Variants in CCDC137 observed in about 807,000 individuals in gnomAD.
The protein encoded by CCDC137 is coiled-coil domain-containing protein 137.
A neutral mutation model predicts 30.4 loss-of-function variants in CCDC137; 24 were observed. The observed-to-expected ratio is 0.79, with a 90% CI of 0.57 to 1.11. The LOEUF (loss-of-function observed/expected upper bound fraction) is 1.11. Among genes scored for constraint, CCDC137 ranks in the 50% least tolerant of loss-of-function variants. CCDC137 has a pLI of 0.00. For missense variants in CCDC137, 417 were observed against 380.4 expected (o/e 1.10, Z -0.80); for synonymous variants, 182 against 155.7 (o/e 1.17, Z -1.26).
chr17:81,672,773 G>A lies in CCDC137; in HGVS notation c.*69G>A, dbSNP rs2036737833. 5.7e-6 allele frequency: 8 copies of A among 1,409,204 alleles called. No homozygotes were observed. The South Asian group carries it at 1.1e-4, about 20-fold the overall frequency. 87.3% of individuals were successfully genotyped at this position (1,409,204 alleles called of 1,614,324 possible). A position where few individuals can be genotyped will look rare whatever the true frequency, so the allele number is the denominator to read the frequency against. Reference sequence around the variant, plus strand: ...ACCAGGAGCTGCTACACCTGGGTAGGAGAGAGGCAGGCCATGCCAGCAGTG... The same window carrying A: ...ACCAGGAGCTGCTACACCTGGGTAGAAGAGAGGCAGGCCATGCCAGCAGTG... On this transcript the variant is annotated 3_prime_UTR_variant, in exon 6 of 6. Coordinates refer to ENST00000329214, the MANE Select transcript of CCDC137 (RefSeq NM_199287.3).
At position 81,666,823 on chromosome 17, in the gene CCDC137, TC is replaced by T. The variant is rs1324883343; in HGVS notation, c.61del (p.Arg21GlyfsTer31). ...CCAGGGTGCAGGCGGGTCCTGGGAG[TC>T]CCCGGCGAGCGCGGGGGCGGCAGCA... ...VSRVQAGPGS[P>X]RRARGRQQVQ... On this transcript the variant is annotated frameshift_variant, in exon 1 of 6. Transcript: ENST00000329214. LOFTEE classifies it high-confidence loss of function. 5.9e-6 allele frequency: 8 copies of T among 1,357,756 alleles called. No homozygotes were observed. The highest frequency in any genetic ancestry group is 4.8e-6 in the Non-Finnish European group (5 of 1,051,480). The allele number at this position is 1,357,756 out of a possible 1,614,324, so 84.1% of individuals were successfully genotyped here.
chr17:81,673,229 G>C lies in CCDC137; in HGVS notation c.*525G>C, dbSNP rs910724021. On this transcript the variant is annotated 3_prime_UTR_variant, in exon 6 of 6. Transcript: ENST00000329214. ...CCAAGGTTTGGTTGGGGTGAAACAT[G>C]ATGACAACACATACACTTAAGAAGG... is the stretch of plus-strand genomic sequence containing the variant. 1 of 157,436 alleles carries C rather than the reference G, an allele frequency of 6.4e-6. No homozygotes were observed. The highest frequency in any genetic ancestry group is 2.4e-5 in the African/African-American group (1 of 41,510). The allele number at this position is 157,436 out of a possible 1,614,324, so 9.8% of individuals were successfully genotyped here. A position where few individuals can be genotyped will look rare whatever the true frequency, so the allele number is the denominator to read the frequency against.
At chr17:81,671,538 G>C (rs34034499) in intron 3 of CCDC137, 79,639 of 568,788 alleles carry the variant, frequency 0.14, 6,327 homozygotes, top group Middle Eastern at 0.18. Context: ...TGGGGGACCT[G>C]TGAGGGGCCT....
intron 2 of CCDC137, 141 bp downstream of exon 2, chr17:81,668,003 T>C: frequency 1.9e-6 from 2 of 1,051,964 alleles, no homozygotes; most frequent in Non-Finnish European, 2.7e-6. Context: ...TGGCCAAAGC[T>C]AAAGCAGTGG....
intron 3 of CCDC137, 90 bp from the exon 4 acceptor site, chr17:81,671,652 CAG>C: frequency 2.3e-6 from 3 of 1,305,964 alleles, no homozygotes; most frequent in South Asian, 2.5e-5. Context: ...TGCTCTGCCA[CAG>C]GGGATCCCTT....
chr17:81,668,740 G>T (rs931360288), intron 2 of CCDC137, among the ~76,000 whole-genome samples: 2 of 152,060 alleles, frequency 1.3e-5, no homozygotes, highest in Non-Finnish European at 2.9e-5. Flanking sequence ...TTGCTTCCTC[G>T]CCCAGGCTGG....
Position 81,667,858 on chromosome 17 carries a change from A to C in CCDC137, c.264A>C (p.Lys88Asn). The change falls in exon 2 of 6, where the codon AAA becomes AAC. Residue 88 changes from lysine to asparagine, a missense_variant. Lys to Asn is a moderately conservative substitution (Grantham distance 94). Transcript: ENST00000329214. ...CGATCAGTAACAAGAAGAGGAAGAA[A>C]GCAGGTGTGTGCAGGCCCATACTGG... is the stretch of plus-strand genomic sequence containing the variant. ...KNPISNKKRK[K>N]AAQVTFRKTL... is the part of the protein sequence containing the mutation. 1 of 1,611,490 alleles carries C rather than the reference A, an allele frequency of 6.2e-7. No individual in the cohort carries two copies. Among genetic ancestry groups the C allele is most frequent in the Non-Finnish European group, 8.5e-7 (1 of 1,179,886 alleles).
intron 2 of CCDC137, among the ~76,000 whole-genome samples, chr17:81,668,831 G>C (rs1221978353): frequency 6.6e-6 from 1 of 151,844 alleles, no homozygotes; most frequent in Non-Finnish European, 1.5e-5. Context: ...CGCCTGAGTA[G>C]CTGGGATTAC....
chr17:81,666,969 G>T (rs1053750794), intron 1 of CCDC137, 69 bp downstream of exon 1: 60 of 1,236,908 alleles, frequency 4.9e-5, no homozygotes, highest in Non-Finnish European at 6.0e-5. Flanking sequence ...GCTCCGCCCG[G>T]GACCCCCTAG....
At chr17:81,670,561 C>G in intron 3 of CCDC137, 108 bp downstream of exon 3, 1 of 996,008 alleles carries the variant, frequency 1.0e-6, no homozygotes, top group Non-Finnish European at 1.5e-6. Context: ...CATGGGGCAG[C>G]CTGGATTCAG....
intron 1 of CCDC137, among the ~76,000 whole-genome samples, chr17:81,667,187 G>T (rs1447940127): frequency 5.3e-5 from 8 of 152,180 alleles, no homozygotes; most frequent in Non-Finnish European, 1.2e-4. Context: ...AGTGCCTTTC[G>T]GCCTCGCGTC....
rs2036639031 is a variant in CCDC137, at chr17:81,666,893, C to T, written c.127C>T (p.Leu43Phe). Residue 43 changes from leucine (L) to phenylalanine (F), a missense_variant, in exon 1 of 6, where the codon CTT becomes TTT. Leu to Phe is a conservative substitution (Grantham distance 22). Coordinates refer to ENST00000329214, the MANE Select transcript of CCDC137 (RefSeq NM_199287.3). Reference protein sequence around the residue: ...GKQRPAPWPGLRSKEKKKVNC... With the variant: ...GKQRPAPWPGFRSKEKKKVNC... ...GCAGCGCCCAGCCCCGTGGCCCGGG[C>T]TTCGCAGGTGACTGCGCTGCCCCGC... The T allele has an allele frequency of 2.3e-6, 3 of 1,280,992 alleles. No homozygotes were observed. The highest frequency in any genetic ancestry group is 4.2e-5 in the Admixed American group (1 of 23,966). 79.4% of individuals were successfully genotyped at this position (1,280,992 alleles called of 1,614,324 possible).
intron 3 of CCDC137, among the ~76,000 whole-genome samples, chr17:81,670,750 G>A (rs2036710987): frequency 6.6e-6 from 1 of 152,228 alleles, no homozygotes; most frequent in South Asian, 2.1e-4. Flanking sequence ...CCCTGAGGGG[G>A]TCGGTCTGAG....
chr17:81,669,400 C>A (rs921245824), intron 2 of CCDC137, among the ~76,000 whole-genome samples: 3 of 152,228 alleles, frequency 2.0e-5, no homozygotes, highest in Non-Finnish European at 2.9e-5. Context: ...CCACCTCAGC[C>A]TCCCAAAGTG....
intron 3 of CCDC137, among the ~76,000 whole-genome samples, chr17:81,671,310 G>C (rs1372876712): frequency 6.6e-6 from 1 of 152,164 alleles, no homozygotes; most frequent in Non-Finnish European, 1.5e-5. Flanking sequence ...TGTCGCTGAA[G>C]GTGAAGCTTC....
Position 81,672,488 on chromosome 17 carries a change from C to T in CCDC137, c.661-7C>T, listed in dbSNP as rs1401243165. On this transcript the variant is annotated splice_region_variant and splice_polypyrimidine_tract_variant and intron_variant, in intron 5 of 5. Coordinates refer to ENST00000329214, the MANE Select transcript of CCDC137 (RefSeq NM_199287.3). The stretch of plus-strand genomic sequence containing the variant: ...GCCTGTGCCTCACCCTCCCCTCTCT[C>T]CCTCAGCCTGGCAGGAGATCGCAGA... The T allele has an allele frequency of 9.0e-6, 14 of 1,552,932 alleles. No individual in the cohort carries two copies. Among genetic ancestry groups the T allele is most frequent in the Non-Finnish European group, 1.2e-5 (14 of 1,148,516 alleles).
chr17:81,672,701 GTGA>G lies in CCDC137; in HGVS notation c.870_*2del. 6.3e-7 allele frequency: 1 copy of G among 1,579,700 alleles called. No homozygotes were observed. The highest frequency in any genetic ancestry group is 1.8e-5 in the Admixed American group (1 of 55,854). On this transcript the variant is annotated stop_lost and inframe_deletion, in exon 6 of 6. Transcript: ENST00000329214. ...CCCGGAAGAAGCCAGAGCCGCAGCT[GTGA>G]TGGAGAGACACCCGGGGCCTGGCCA...
chr17:81,666,889 C>T lies in CCDC137; in HGVS notation c.123C>T (p.Pro41=). 1 of 1,281,202 alleles carries T rather than the reference C, an allele frequency of 7.8e-7. No individual in the cohort carries two copies. Among genetic ancestry groups the T allele is most frequent in the Non-Finnish European group, 9.9e-7 (1 of 1,012,772 alleles). The allele number at this position is 1,281,202 out of a possible 1,614,324, so 79.4% of individuals were successfully genotyped here. A position where few individuals can be genotyped will look rare whatever the true frequency, so the allele number is the denominator to read the frequency against. Residue 41 remains proline, a synonymous_variant, in exon 1 of 6, where the codon CCC becomes CCT. Transcript: ENST00000329214. The stretch of plus-strand genomic sequence containing the variant: ...GGAAGCAGCGCCCAGCCCCGTGGCC[C>T]GGGCTTCGCAGGTGACTGCGCTGCC... ...PLGKQRPAPW[P]GLRSKEKKKV...
chr17:81,672,567 CTGG>C lies in CCDC137; in HGVS notation c.734_736del (p.Leu245_Ala246delinsPro). On this transcript the variant is annotated inframe_deletion, in exon 6 of 6. Transcript: ENST00000329214. ...TGTGTCCCAGCCTCTGACCGCCTCC[CTGG>C]CCCGCCAGCGGATTGTGGAGGAGGA... The C allele has an allele frequency of 6.3e-7, 1 of 1,576,296 alleles. No homozygotes were observed. Among genetic ancestry groups the C allele is most frequent in the South Asian group, 1.2e-5 (1 of 86,134 alleles).
Sources: allele counts gnomAD v4.1 joint callset (sites outside exome capture counted in the v4.1 genomes callset), GRCh38; gene constraint gnomAD v4.1.1; transcripts MANE v1.5; gene names NCBI Gene and HGNC (gene_info 2026-07-23, HGNC 2026-07-21).